SLC7A5: variants seen among roughly 807,000 people sequenced by gnomAD.
SLC7A5 encodes the protein large neutral amino acids transporter small subunit 1.
SLC7A5 carries 23 observed loss-of-function variants against 50.2 expected under a neutral mutation model. The observed-to-expected ratio is 0.46, with a 90% confidence interval of 0.33 to 0.65. The LOEUF (loss-of-function observed/expected upper bound fraction) is 0.65, where lower values mean the gene tolerates loss of function less well. SLC7A5 is among the 30% of genes least tolerant of loss of function. The probability of loss-of-function intolerance (pLI) is 0.02; values close to 1 mark genes in which losing one functional copy is unlikely to be tolerated. For missense variants in SLC7A5, 578 were observed against 684.4 expected, an observed-to-expected ratio of 0.84 and a Z score of 1.73; for synonymous variants, 393 against 330.6, an observed-to-expected ratio of 1.19 and a Z score of -2.05.
intron 1 of SLC7A5, among the ~76,000 whole-genome samples, chr16:87,857,153 A>C (rs1447030819): frequency 1.3e-5 from 2 of 152,086 alleles, no homozygotes; most frequent in Non-Finnish European, 2.9e-5. Context: ...CCAGAGAGAG[A>C]GGTCAAAGTG....
At chr16:87,850,453 T>C (rs1470496878) in intron 2 of SLC7A5, among the ~76,000 whole-genome samples, 1 of 152,322 alleles carries the variant, frequency 6.6e-6, no homozygotes, top group Non-Finnish European at 1.5e-5. Context: ...CCTACAGCCA[T>C]GTGGGACCAG....
At chr16:87,845,347 G>A (rs1349073531) in intron 2 of SLC7A5, among the ~76,000 whole-genome samples, 1 of 152,190 alleles carries the variant, frequency 6.6e-6, no homozygotes, top group Non-Finnish European at 1.5e-5. Flanking sequence ...GCTGCCCTGT[G>A]GGCTCAGGGA....
At chr16:87,844,560 G>A (rs545233685) in intron 2 of SLC7A5, among the ~76,000 whole-genome samples, 3 of 152,346 alleles carry the variant, frequency 2.0e-5, no homozygotes, top group African/African-American at 7.2e-5. Flanking sequence ...CCTCTGTGAT[G>A]CGGCCAACCC....
intron 1 of SLC7A5, among the ~76,000 whole-genome samples, chr16:87,855,283 C>T (rs2055301847): frequency 6.6e-6 from 1 of 152,112 alleles, no homozygotes; most frequent in Non-Finnish European, 1.5e-5. Flanking sequence ...CCCCCTTGTG[C>T]CTCCCCATCT....
intron 6 of SLC7A5, 37 bp from the exon 7 acceptor site, chr16:87,837,978 C>G: frequency 6.7e-7 from 1 of 1,482,172 alleles, no homozygotes; most frequent in South Asian, 1.2e-5. Flanking sequence ...CAGCCACCGC[C>G]CCACAACTCA....
At position 87,861,212 on chromosome 16, in the gene SLC7A5, C is replaced by T. The variant is rs1480689402; in HGVS notation, c.538+7673G>A. The stretch of plus-strand genomic sequence containing the variant: ...GGCCAGGCCTACTGGGGGGCAGAAC[C>T]CTGTGGCTGTCCAGGGTACCTGGAT... On this transcript the variant is annotated intron_variant, in intron 1 of 9. Coordinates refer to ENST00000261622, the MANE Select transcript of SLC7A5 (RefSeq NM_003486.7). This position sits in a 1 kb window ranked among gnomAD's most constrained non-coding sequence, Gnocchi z 4.2. 6.6e-6 allele frequency among the ~76,000 whole-genome samples: 1 copy of T among 152,168 alleles called. No individual in the cohort carries two copies. The highest frequency in any genetic ancestry group is 1.5e-5 in the Non-Finnish European group (1 of 68,016).
At chr16:87,865,393 T>G (rs1004480320) in intron 1 of SLC7A5, among the ~76,000 whole-genome samples, 49 of 152,160 alleles carry the variant, frequency 3.2e-4, no homozygotes, top group Non-Finnish European at 6.0e-4. Flanking sequence ...CTTTACCTAC[T>G]GGGACCAAAA....
rs2055429778 is a variant in SLC7A5 at position 87,863,986 on chromosome 16, A to AATATGTATATATATATAT, written c.538+4898_538+4899insATATATATATATACATAT. Among the ~76,000 whole-genome samples, 2 of 83,280 alleles carry AATATGTATATATATATAT rather than the reference A, an allele frequency of 2.4e-5. 1 individual carries two copies. Among genetic ancestry groups the AATATGTATATATATATAT allele is most frequent in the Non-Finnish European group, 5.0e-5 (2 of 39,780 alleles). The allele number at this position is 83,280 out of a possible 152,430, so 54.6% of individuals were successfully genotyped here. A position where few individuals can be genotyped will look rare whatever the true frequency, so the allele number is the denominator to read the frequency against. Reference sequence around the variant, plus strand: ...CCAACCTTATGTGTGATCATTTAAAAATATATATATATATATATATATCAG... The same window carrying AATATGTATATATATATAT: ...CCAACCTTATGTGTGATCATTTAAAAATATGTATATATATATATATATATATATATATATATATATCAG... On this transcript the variant is annotated intron_variant, in intron 1 of 9. Coordinates refer to ENST00000261622, the MANE Select transcript of SLC7A5 (RefSeq NM_003486.7).
chr16:87,838,545 G>A lies in SLC7A5; in HGVS notation c.1043+169C>T, dbSNP rs1408545403. Among the ~76,000 whole-genome samples, 5 of 152,172 alleles carry A rather than the reference G, an allele frequency of 3.3e-5. No homozygotes were observed. The East Asian group carries it at 5.8e-4, about 18-fold the overall frequency. On this transcript the variant is annotated intron_variant, in intron 6 of 9. Coordinates refer to ENST00000261622, the MANE Select transcript of SLC7A5 (RefSeq NM_003486.7). ...TGAGCTCAAGCGATCTGCTCACCTC[G>A]GCCTCCTAAAGTGCTGGGATTACAG...
chr16:87,854,638 C>T (rs977040456), intron 1 of SLC7A5, among the ~76,000 whole-genome samples: 3 of 152,268 alleles, frequency 2.0e-5, no homozygotes, highest in Non-Finnish European at 4.4e-5. Context: ...GCCAGCCACC[C>T]CCAGATAAGT....
chr16:87,866,934 GGCT>G (rs2055469384), intron 1 of SLC7A5, among the ~76,000 whole-genome samples: 1 of 151,928 alleles, frequency 6.6e-6, no homozygotes, highest in East Asian at 1.9e-4. Context: ...AGCACCCAGG[GGCT>G]GCTTTTTTTT....
rs1313606477 is a variant in SLC7A5, at chr16:87,833,169, C to A, written c.1469-144G>T. On this transcript the variant is annotated intron_variant, in intron 9 of 9. Transcript: ENST00000261622. This position sits in a 1 kb window ranked among gnomAD's most constrained non-coding sequence, Gnocchi z 6.0. ...GCGCTGGGATTTTAAGGAACCTTCC[C>A]TTGTGTACTTGCGCATGTGGGTGCC... is the stretch of plus-strand genomic sequence containing the variant. The A allele has an allele frequency of 1.6e-5, 12 of 741,354 alleles. No individual in the cohort carries two copies. In the Admixed American group the frequency reaches 2.3e-4, roughly 14 times the overall value. The allele number at this position is 741,354 out of a possible 1,614,324, so 45.9% of individuals were successfully genotyped here.
intron 1 of SLC7A5, among the ~76,000 whole-genome samples, chr16:87,866,330 G>A (rs889842933): frequency 6.6e-6 from 1 of 152,224 alleles, no homozygotes; most frequent in African/African-American, 2.4e-5. Context: ...CAGAAACTCT[G>A]GGGGTCGGGG....
chr16:87,840,998 G>A (rs1399896282), intron 3 of SLC7A5, 52 bp downstream of exon 3: 23 of 1,290,572 alleles, frequency 1.8e-5, no homozygotes, highest in South Asian at 1.7e-4. Flanking sequence ...TCCTGGACAC[G>A]TCAGGGACTG....
chr16:87,842,195 C>T (rs1331388039), intron 2 of SLC7A5, among the ~76,000 whole-genome samples: 3 of 152,220 alleles, frequency 2.0e-5, no homozygotes, highest in Admixed American at 1.3e-4. Flanking sequence ...AAGTGGAAAT[C>T]TTGGTCAGGC....
chr16:87,858,639 T>C (rs2055350035), intron 1 of SLC7A5, among the ~76,000 whole-genome samples: 1 of 152,160 alleles, frequency 6.6e-6, no homozygotes, highest in Admixed American at 6.5e-5. Context: ...AGTGAGGACA[T>C]CCAGGTCTCC....
At chr16:87,857,905 G>A (rs55822432) in intron 1 of SLC7A5, among the ~76,000 whole-genome samples, 42,642 of 152,092 alleles carry the variant, frequency 0.28, 7,159 homozygotes, top group African/African-American at 0.47. Context: ...TGTCCAGAAT[G>A]GGGCTGACAC....
intron 3 of SLC7A5, 83 bp from the exon 4 acceptor site, chr16:87,840,556 C>T: frequency 8.4e-7 from 1 of 1,195,188 alleles, no homozygotes; most frequent in Non-Finnish European, 1.3e-6. Flanking sequence ...CCCAGGGCAG[C>T]TGGTGAGCCT....
At position 87,840,513 on chromosome 16, in the gene SLC7A5, A is replaced by C. The variant is rs764172919; in HGVS notation, c.771-40T>G. The C allele has an allele frequency of 5.9e-6, 9 of 1,516,228 alleles. No individual in the cohort carries two copies. The African/African-American group carries it at 1.1e-4, about 18-fold the overall frequency. 93.9% of individuals were successfully genotyped at this position (1,516,228 alleles called of 1,614,324 possible). On this transcript the variant is annotated intron_variant, in intron 3 of 9. Coordinates refer to ENST00000261622, the MANE Select transcript of SLC7A5 (RefSeq NM_003486.7). The stretch of plus-strand genomic sequence containing the variant: ...ACAGCGTTCAAATTATATGATCCTC[A>C]TCAGGGAAAATAAATCACCGGGGAG...
Sources: allele counts gnomAD v4.1 joint callset (sites outside exome capture counted in the v4.1 genomes callset), GRCh38; gene constraint gnomAD v4.1.1; non-coding constraint Gnocchi (gnomAD v3.1); transcripts MANE v1.5; gene names NCBI Gene and HGNC (gene_info 2026-07-23, HGNC 2026-07-21).